RIMS4: variants seen among roughly 807,000 people sequenced by gnomAD.
RIMS4 encodes regulating synaptic membrane exocytosis protein 4.
Under a neutral mutation model 29.0 loss-of-function variants are expected in RIMS4, and 9 were observed. The observed-to-expected ratio is 0.31, with a 90% CI of 0.19 to 0.54. RIMS4 has a LOEUF of 0.54. RIMS4 is among the 20% of genes least tolerant of loss of function. The probability of loss-of-function intolerance (pLI) is 0.94; values close to 1 mark genes in which losing one functional copy is unlikely to be tolerated. For missense variants in RIMS4, 193 were observed against 365.7 expected (o/e 0.53, Z 3.85); for synonymous variants, 130 against 152.9 (o/e 0.85, Z 1.10).
intron 1 of RIMS4, among the ~76,000 whole-genome samples, chr20:44,775,427 C>T (rs76480930): frequency 0.024 from 3,709 of 152,272 alleles, 164 homozygotes; most frequent in East Asian, 0.19. Flanking sequence ...GTTGCCCCCA[C>T]ACAGGCAGAG....
chr20:44,777,634 C>G (rs2066165927), intron 1 of RIMS4, among the ~76,000 whole-genome samples: 1 of 152,124 alleles, frequency 6.6e-6, no homozygotes, highest in Admixed American at 6.5e-5. Flanking sequence ...ATACTCTTAA[C>G]CACGAGACCT....
intron 1 of RIMS4, among the ~76,000 whole-genome samples, chr20:44,779,676 T>A (rs978577693): frequency 1.3e-5 from 2 of 152,244 alleles, no homozygotes; most frequent in Non-Finnish European, 2.9e-5. Context: ...TAGCCTCCAG[T>A]AATGAGATAT....
intron 2 of RIMS4, among the ~76,000 whole-genome samples, chr20:44,758,844 G>A (rs925821203): frequency 6.6e-6 from 1 of 152,172 alleles, no homozygotes; most frequent in African/African-American, 2.4e-5. Context: ...ATGCAGGACT[G>A]GAGCTTCTGG....
intron 2 of RIMS4, among the ~76,000 whole-genome samples, chr20:44,761,315 T>G (rs1268159760): frequency 6.6e-6 from 1 of 152,208 alleles, no homozygotes; most frequent in Non-Finnish European, 1.5e-5. Flanking sequence ...ACACAGGTAC[T>G]GCATGGCCCC....
rs1343770664 is a variant in RIMS4, at chr20:44,756,714, T to C, written c.591+184A>G. 1.3e-5 allele frequency among the ~76,000 whole-genome samples: 2 copies of C among 151,990 alleles called. No individual in the cohort carries two copies. The highest frequency in any genetic ancestry group is 2.9e-5 in the Non-Finnish European group (2 of 67,966). ...AGGAACTGAGGGTCAGAAGGGAACT[T>C]GTTCAAAGTTGTGCAGTAAGTTGTG... is the stretch of plus-strand genomic sequence containing the variant. On this transcript the variant is annotated intron_variant, in intron 5 of 5. Transcript: ENST00000372851. This position sits in a 1 kb window ranked among gnomAD's most constrained non-coding sequence, Gnocchi z 5.9.
intron 1 of RIMS4, among the ~76,000 whole-genome samples, chr20:44,803,664 A>T (rs2066286304): frequency 6.8e-6 from 1 of 148,022 alleles, no homozygotes; most frequent in Admixed American, 6.7e-5. Context: ...GGGAGGGGGG[A>T]GGAAGGAAAA....
intron 1 of RIMS4, among the ~76,000 whole-genome samples, chr20:44,780,671 T>C (rs1166145519): frequency 1.3e-5 from 2 of 152,222 alleles, no homozygotes; most frequent in Admixed American, 1.3e-4. Context: ...CAGGGGTTAA[T>C]GAACCTGCCC....
intron 2 of RIMS4, among the ~76,000 whole-genome samples, chr20:44,759,837 T>C (rs2066076690): frequency 6.6e-6 from 1 of 152,234 alleles, no homozygotes; most frequent in South Asian, 2.1e-4. Flanking sequence ...CCTGAACCAT[T>C]TGAAGTCCCC....
At chr20:44,793,318 C>T (rs2066240916) in intron 1 of RIMS4, among the ~76,000 whole-genome samples, 1 of 152,218 alleles carries the variant, frequency 6.6e-6, no homozygotes, top group African/African-American at 2.4e-5. Context: ...TCTTTTCATT[C>T]TGACAAATAT....
intron 1 of RIMS4, among the ~76,000 whole-genome samples, chr20:44,796,720 G>C (rs571770290): frequency 2.0e-5 from 3 of 152,254 alleles, no homozygotes; most frequent in Admixed American, 2.0e-4. Context: ...CACCCCAGCT[G>C]AGGAAATGGC....
At chr20:44,778,117 G>A (rs994259534) in intron 1 of RIMS4, among the ~76,000 whole-genome samples, 38 of 152,328 alleles carry the variant, frequency 2.5e-4, no homozygotes, top group Admixed American at 1.0e-3. Flanking sequence ...CAAGGGCTGA[G>A]AGCCATCTGC....
intron 1 of RIMS4, among the ~76,000 whole-genome samples, chr20:44,809,255 A>C (rs1343256519): frequency 6.6e-6 from 1 of 152,066 alleles, no homozygotes; most frequent in African/African-American, 2.4e-5. Context: ...ACTCTCACCC[A>C]AGCCCTCTAG....
intron 2 of RIMS4, among the ~76,000 whole-genome samples, chr20:44,760,897 T>A (rs1035431691): frequency 1.3e-5 from 2 of 152,040 alleles, no homozygotes; most frequent in Admixed American, 6.5e-5. Flanking sequence ...ATCTTAGTAA[T>A]AAATAAGTAG....
rs1305430038 is a variant in RIMS4, at chr20:44,766,100, G to A, written c.236+5175C>T. ...TGTGGTGGGGGAGGGACAGGGGACT[G>A]TGAGAGCTGCTGATACAGCCAGAGG... On this transcript the variant is annotated intron_variant, in intron 2 of 5. Transcript: ENST00000372851. Among the ~76,000 whole-genome samples the A allele has an allele frequency of 2.0e-5, 3 of 152,172 alleles. No homozygotes were observed. The East Asian group carries it at 5.8e-4, about 29-fold the overall frequency.
At chr20:44,771,207 C>G in intron 2 of RIMS4, 68 bp downstream of exon 2, 1 of 1,545,432 alleles carries the variant, frequency 6.5e-7, no homozygotes, top group African/African-American at 1.4e-5. Flanking sequence ...AGAGGGGTTG[C>G]TCAGTCCCTC....
In RIMS4 at chr20:44,754,997, A is replaced by G. The variant is rs2066052561; in HGVS notation, c.*1137T>C. On this transcript the variant is annotated 3_prime_UTR_variant, in exon 6 of 6. Transcript: ENST00000372851. ...AGGCAGCTACCCAGGCCTGCTGGAA[A>G]AGGAATCTCCCAGTTCTTACACTCA... 1 of 152,672 alleles carries G rather than the reference A, an allele frequency of 6.5e-6. No homozygotes were observed. The highest frequency in any genetic ancestry group is 1.5e-5 in the Non-Finnish European group (1 of 68,060). The allele number at this position is 152,672 out of a possible 1,614,324, so 9.5% of individuals were successfully genotyped here.
chr20:44,775,893 T>A (rs1435884223), intron 1 of RIMS4, among the ~76,000 whole-genome samples: 1 of 152,260 alleles, frequency 6.6e-6, no homozygotes, highest in African/African-American at 2.4e-5. Flanking sequence ...TGCTTCTATG[T>A]CATTTGAATT....
At position 44,756,077 on chromosome 20, in the gene RIMS4, C is replaced by T; in HGVS notation, c.*57G>A. On this transcript the variant is annotated 3_prime_UTR_variant, in exon 6 of 6. Transcript: ENST00000372851. This position sits in a 1 kb window ranked among gnomAD's most constrained non-coding sequence, Gnocchi z 5.9. ...CAATGTGCCCCTGGGCCTGGGGTCC[C>T]AGGTCAGGGCTGGGTGGTCTCCAGG... is the stretch of plus-strand genomic sequence containing the variant. 1 of 1,374,510 alleles carries T rather than the reference C, an allele frequency of 7.3e-7. No homozygotes were observed. The highest frequency in any genetic ancestry group is 1.0e-6 in the Non-Finnish European group (1 of 994,144). 85.1% of individuals were successfully genotyped at this position (1,374,510 alleles called of 1,614,324 possible).
At chr20:44,793,340 G>A (rs2066241043) in intron 1 of RIMS4, among the ~76,000 whole-genome samples, 1 of 152,144 alleles carries the variant, frequency 6.6e-6, no homozygotes, top group Non-Finnish European at 1.5e-5. Flanking sequence ...TCTTCATAAT[G>A]ACCTTCAAGG....
Sources: gnomAD v4.1 joint callset for allele counts (sites outside exome capture counted in the v4.1 genomes callset) on GRCh38, gnomAD v4.1.1 for gene constraint, Gnocchi (gnomAD v3.1) non-coding constraint, MANE v1.5 for transcripts, NCBI Gene and HGNC (gene_info 2026-07-23, HGNC 2026-07-21) for gene names.